ITK: variants seen among roughly 807,000 people sequenced by gnomAD.
ITK encodes the protein tyrosine-protein kinase ITK/TSK.
ITK carries 45 observed loss-of-function variants against 87.6 expected under a neutral mutation model. The ratio of observed to expected loss-of-function variants is 0.51; its 90% confidence interval spans 0.40 to 0.66. The LOEUF (loss-of-function observed/expected upper bound fraction) is 0.66. ITK is among the 30% of genes least tolerant of loss of function. The pLI, the probability that ITK is intolerant of heterozygous loss-of-function variation, is 0.00. For missense variants in ITK, 605 were observed against 766.3 expected (o/e 0.79, Z 2.48); for synonymous variants, 303 against 273.6 (o/e 1.11, Z -1.06).
intron 1 of ITK, among the ~76,000 whole-genome samples, chr5:157,183,446 C>T (rs140542785): frequency 4.2e-4 from 64 of 152,142 alleles, no homozygotes; most frequent in African/African-American, 1.5e-3. Context: ...TTTGGCAGAT[C>T]GAATATCAGA....
intron 8 of ITK, among the ~76,000 whole-genome samples, chr5:157,234,459 A>T (rs373414913): frequency 1.1e-4 from 16 of 152,194 alleles, no homozygotes; most frequent in African/African-American, 3.9e-4. Flanking sequence ...TAGCTGTATT[A>T]TTTCTAGGTG....
chr5:157,237,359 T>C (rs143049789), intron 8 of ITK, among the ~76,000 whole-genome samples: 2 of 152,110 alleles, frequency 1.3e-5, no homozygotes, highest in Admixed American at 6.5e-5. Flanking sequence ...ATAGTAACAA[T>C]AGACAGTGGG....
At chr5:157,207,377 C>CTCTTTTTTTTTT (rs1754101416) in intron 1 of ITK, among the ~76,000 whole-genome samples, 1 of 59,126 alleles carries the variant, frequency 1.7e-5, no homozygotes, top group African/African-American at 6.3e-5. Context: ...AGATACGTCT[C>CTCTTTTTTTTTT]TTTTTTTTTT....
At chr5:157,229,239 C>A (rs1484209195) in intron 7 of ITK, among the ~76,000 whole-genome samples, 2 of 152,176 alleles carry the variant, frequency 1.3e-5, no homozygotes, top group Admixed American at 6.5e-5. Context: ...ATGAATGTCA[C>A]CACTAGCAAG....
chr5:157,219,719 C>A (rs1429636723), intron 5 of ITK, among the ~76,000 whole-genome samples: 1 of 152,204 alleles, frequency 6.6e-6, no homozygotes. Context: ...GACTATTTCA[C>A]CATCCCCTTT....
chr5:157,240,272 G>GCT (rs1580905605), intron 10 of ITK, 77 bp downstream of exon 10: 9 of 1,337,716 alleles, frequency 6.7e-6, no homozygotes, highest in Non-Finnish European at 9.6e-6. Flanking sequence ...TACTGCCTGA[G>GCT]CTCTGCCTTC....
intron 11 of ITK, 106 bp from the exon 12 acceptor site, chr5:157,243,517 T>G: frequency 1.1e-6 from 1 of 910,246 alleles, no homozygotes; most frequent in Non-Finnish European, 1.9e-6. Context: ...TTGAATTATA[T>G]TAACAATAGG....
chr5:157,190,264 T>C (rs1753727040), intron 1 of ITK, among the ~76,000 whole-genome samples: 2 of 152,220 alleles, frequency 1.3e-5, no homozygotes, highest in South Asian at 2.1e-4. Context: ...AATTCAACTA[T>C]AGGGATTTTT....
At chr5:157,209,050 T>G in intron 2 of ITK, 57 bp downstream of exon 2, 1 of 1,201,820 alleles carries the variant, frequency 8.3e-7, no homozygotes, top group Non-Finnish European at 1.2e-6. Flanking sequence ...AAATCTTCAG[T>G]CACAGCCGGG....
At chr5:157,189,186 C>T (rs1753702927) in intron 1 of ITK, among the ~76,000 whole-genome samples, 1 of 152,072 alleles carries the variant, frequency 6.6e-6, no homozygotes, top group Non-Finnish European at 1.5e-5. Flanking sequence ...TTGATCTTTG[C>T]CTGTGTAATG....
At position 157,222,885 on chromosome 5, in the gene ITK, A is replaced by T; in HGVS notation, c.518A>T (p.Glu173Val). 6.2e-7 allele frequency: 1 copy of T among 1,613,990 alleles called. No homozygotes were observed. The highest frequency in any genetic ancestry group is 8.5e-7 in the Non-Finnish European group (1 of 1,180,002). Residue 173 changes from glutamate to valine, a missense_variant, in exon 6 of 17, where the codon GAA (glutamate) becomes GTA (valine). Glu to Val is a moderately radical substitution (Grantham distance 121). This residue lies in a region of ITK where 464 missense variants were observed against 578.0 expected (regional missense o/e 0.80). Coordinates refer to ENST00000422843, the MANE Select transcript of ITK (RefSeq NM_005546.4). ...DNRRPLWEPEETVVIALYDYQ... is the reference protein window; with the variant it reads ...DNRRPLWEPEVTVVIALYDYQ... ...CAGCGACCACTTTGGGAACCTGAAG[A>T]AACTGTGGTCATTGCCTTATATGAC... is the stretch of plus-strand genomic sequence containing the variant.
intron 16 of ITK, among the ~76,000 whole-genome samples, chr5:157,252,219 T>C (rs1488150520): frequency 2.0e-5 from 3 of 152,240 alleles, no homozygotes; most frequent in African/African-American, 7.2e-5. Context: ...CTGAGATTTA[T>C]ACCCAGATAT....
chr5:157,254,981 G>A lies in ITK; in HGVS notation c.*2303G>A, dbSNP rs1755222417. The stretch of plus-strand genomic sequence containing the variant: ...TCCCTTATACAGAGTTTTGGTTCTA[G>A]TTTTATTTCGTAGATTTTGCATTTT... On this transcript the variant is annotated 3_prime_UTR_variant, in exon 17 of 17. Coordinates refer to ENST00000422843, the MANE Select transcript of ITK (RefSeq NM_005546.4). 9.5e-6 allele frequency: 2 copies of A among 209,558 alleles called. No homozygotes were observed. The highest frequency in any genetic ancestry group is 9.7e-6 in the Non-Finnish European group (1 of 103,254). The allele number at this position is 209,558 out of a possible 1,614,324, so 13.0% of individuals were successfully genotyped here.
At chr5:157,246,695 T>C (rs1755025534) in intron 15 of ITK, among the ~76,000 whole-genome samples, 1 of 152,092 alleles carries the variant, frequency 6.6e-6, no homozygotes, top group African/African-American at 2.4e-5. Context: ...TCTCAGAAGG[T>C]AATTCTTCAG....
chr5:157,237,376 A>C (rs1226915267), intron 8 of ITK, among the ~76,000 whole-genome samples: 1 of 152,250 alleles, frequency 6.6e-6, no homozygotes, highest in Non-Finnish European at 1.5e-5. Flanking sequence ...TGGGGACTCC[A>C]AAAGTTGGAA....
chr5:157,207,687 C>T (rs996821800), intron 1 of ITK, among the ~76,000 whole-genome samples: 1 of 152,026 alleles, frequency 6.6e-6, no homozygotes, highest in Non-Finnish European at 1.5e-5. Context: ...GCCTTAGATA[C>T]TCCTTAATCC....
intron 11 of ITK, 71 bp downstream of exon 11, chr5:157,241,791 A>G (rs1580906768): frequency 4.6e-6 from 5 of 1,096,196 alleles, no homozygotes; most frequent in Non-Finnish European, 7.0e-6. Context: ...TAAACTGGCC[A>G]TGAGCCTACC....
At chr5:157,194,230 T>A (rs1277207505) in intron 1 of ITK, among the ~76,000 whole-genome samples, 1 of 152,178 alleles carries the variant, frequency 6.6e-6, no homozygotes, top group Non-Finnish European at 1.5e-5. Context: ...AGTTTCTCGC[T>A]GCGAGTTTGT....
chr5:157,219,524 C>T (rs944690715), intron 5 of ITK, among the ~76,000 whole-genome samples: 22 of 152,186 alleles, frequency 1.4e-4, no homozygotes, highest in Non-Finnish European at 2.9e-4. Context: ...GCCTTTTTTC[C>T]CTTCAGCCAA....
Sources: allele counts gnomAD v4.1 joint callset (sites outside exome capture counted in the v4.1 genomes callset), GRCh38; gene constraint gnomAD v4.1.1; regional missense constraint gnomAD v4.1.1; transcripts MANE v1.5; gene names NCBI Gene and HGNC (gene_info 2026-07-23, HGNC 2026-07-21).